The following MAD1L1 variants were observed in gnomAD, a reference collection of about 807,000 sequenced individuals.
MAD1L1 encodes mitotic spindle assembly checkpoint protein MAD1.
Under a neutral mutation model 96.9 loss-of-function variants are expected in MAD1L1, and 95 were observed. The observed-to-expected ratio is 0.98, with a 90% CI of 0.83 to 1.16. The LOEUF is 1.16. MAD1L1 is among the 50% of genes most tolerant of loss of function. MAD1L1 has a pLI of 0.00. For missense variants in MAD1L1, 1,007 were observed against 954.4 expected, an observed-to-expected ratio of 1.06 and a Z score of -0.73; for synonymous variants, 473 against 396.6, an observed-to-expected ratio of 1.19 and a Z score of -2.29.
intron 3 of MAD1L1, among the ~76,000 whole-genome samples, chr7:2,225,935 A>G (rs1335215845): frequency 5.3e-5 from 8 of 152,182 alleles, no homozygotes; most frequent in Non-Finnish European, 5.9e-5. Context: ...TCTCACGTGG[A>G]GCTCAGAGAT....
In MAD1L1 at chr7:1,904,163, G is replaced by A. The variant is rs1361584997; in HGVS notation, c.1808-5773C>T. Among the ~76,000 whole-genome samples the A allele has an allele frequency of 2.7e-4, 39 of 147,036 alleles. 1 individual carries two copies. The highest frequency in any genetic ancestry group is 9.6e-4 in the African/African-American group (37 of 38,488). ...GAGGACGCAGTGGCCTATGGAAGAC[G>A]CTCTTGCAGAATTCATGATTAATGA... On this transcript the variant is annotated intron_variant, in intron 17 of 18. Transcript: ENST00000265854.
chr7:2,149,262 C>G (rs1789455144), intron 10 of MAD1L1, 24 bp from the exon 11 acceptor site: 1 of 1,585,522 alleles, frequency 6.3e-7, no homozygotes, highest in African/African-American at 1.3e-5. Flanking sequence ...AAGGCACACT[C>G]AGTTCCAGCT....
chr7:1,970,011 A>T (rs935824771), intron 15 of MAD1L1, among the ~76,000 whole-genome samples: 1 of 152,222 alleles, frequency 6.6e-6, no homozygotes, highest in Non-Finnish European at 1.5e-5. Flanking sequence ...TGAGAAAGCT[A>T]CCTAAGTGAA....
rs951200775 is a variant in MAD1L1, at chr7:2,192,807, C to T, written c.986+20405G>A. Among the ~76,000 whole-genome samples the T allele has an allele frequency of 2.0e-5, 3 of 152,208 alleles. No individual in the cohort carries two copies. In the East Asian group the frequency reaches 5.8e-4, roughly 29 times the overall value. On this transcript the variant is annotated intron_variant, in intron 10 of 18. Transcript: ENST00000265854. ...TGGTGCTGAAAAGTATATGCAAATC[C>T]ATCTGTAATTAGGTTTAAAATTCCA...
Position 2,014,531 on chromosome 7 carries a change from T to C in MAD1L1, c.1330A>G (p.Lys444Glu), listed in dbSNP as rs1253621264. ...ATCTCGGCGCTGTGGCTGTGCACCT[T>C]CTGCACCATATCCTCAGCCTCCCGC... ...RMREAEDMVQKVHSHSAEMEA... is the reference protein window; with the variant it reads ...RMREAEDMVQEVHSHSAEMEA... The change falls in exon 13 of 19, where the codon AAG becomes GAG. Residue 444 changes from lysine to glutamate, a missense_variant. Physicochemically the swap from Lys to Glu is moderately conservative, Grantham distance 56. Transcript: ENST00000265854. 2 of 1,607,808 alleles carry C rather than the reference T, an allele frequency of 1.2e-6. No homozygotes were observed. The highest frequency in any genetic ancestry group is 1.7e-6 in the Non-Finnish European group (2 of 1,179,338).
At chr7:2,098,544 C>G (rs1786617017) in intron 11 of MAD1L1, among the ~76,000 whole-genome samples, 1 of 152,212 alleles carries the variant, frequency 6.6e-6, no homozygotes, top group Non-Finnish European at 1.5e-5. Flanking sequence ...TGTATGGTCT[C>G]TTGCCTGGTT....
At chr7:1,909,455 T>C (rs1211279863) in intron 17 of MAD1L1, among the ~76,000 whole-genome samples, 1 of 152,236 alleles carries the variant, frequency 6.6e-6, no homozygotes, top group African/African-American at 2.4e-5. Flanking sequence ...TTAGCAGCCA[T>C]GGGCATGGGG....
At chr7:1,936,334 G>T (rs1054205252) in intron 17 of MAD1L1, among the ~76,000 whole-genome samples, 1 of 152,262 alleles carries the variant, frequency 6.6e-6, no homozygotes, top group African/African-American at 2.4e-5. Flanking sequence ...ACTTAAGCTG[G>T]TGAGAGATGG....
chr7:1,889,488 C>T (rs935892794), intron 18 of MAD1L1, among the ~76,000 whole-genome samples: 1 of 152,218 alleles, frequency 6.6e-6, no homozygotes, highest in Non-Finnish European at 1.5e-5. Flanking sequence ...TCCACAGCAG[C>T]CCAGCTGCAC....
chr7:1,957,529 A>G, intron 16 of MAD1L1, 100 bp downstream of exon 16: 10 of 1,168,260 alleles, frequency 8.6e-6, no homozygotes, highest in Non-Finnish European at 1.2e-5. Context: ...ACGAGCCAGA[A>G]AACGGGTGTT....
intron 18 of MAD1L1, among the ~76,000 whole-genome samples, chr7:1,852,087 C>G (rs11764124): frequency 0.17 from 26,202 of 152,228 alleles, 2,682 homozygotes; most frequent in South Asian, 0.3. Flanking sequence ...AGGGGCCCTC[C>G]TGAGGCCCGA....
chr7:2,001,993 G>T, intron 14 of MAD1L1, 72 bp downstream of exon 14: 5 of 1,516,018 alleles, frequency 3.3e-6, no homozygotes, highest in Non-Finnish European at 4.6e-6. Flanking sequence ...AAAGGCTTAT[G>T]GGGACAGGCG....
chr7:1,913,826 G>A (rs1211798431), intron 17 of MAD1L1, among the ~76,000 whole-genome samples: 1 of 152,144 alleles, frequency 6.6e-6, no homozygotes, highest in African/African-American at 2.4e-5. Context: ...GGCTGCCTCC[G>A]CCATACAGAC....
rs191643322 is a variant in MAD1L1 at position 2,021,148 on chromosome 7, G to A, written c.1219-6506C>T. On this transcript the variant is annotated intron_variant, in intron 12 of 18. Transcript: ENST00000265854. ...CCAGAAGGAGAAGGAGGCGAGGAGC[G>A]AACACAGTAAGTATCTGCCGTGATA... 4.1e-3 allele frequency among the ~76,000 whole-genome samples: 623 copies of A among 152,210 alleles called. 6 individuals are homozygous for A. Among genetic ancestry groups the A allele is most frequent in the African/African-American group, 0.014 (585 of 41,518 alleles).
At chr7:2,145,589 C>T (rs983502882) in intron 11 of MAD1L1, among the ~76,000 whole-genome samples, 2 of 152,230 alleles carry the variant, frequency 1.3e-5, no homozygotes, top group Non-Finnish European at 2.9e-5. Flanking sequence ...GCAGCTAACT[C>T]CGAGATATGG....
chr7:2,071,120 C>G (rs1785105421), intron 11 of MAD1L1, among the ~76,000 whole-genome samples: 1 of 151,098 alleles, frequency 6.6e-6, no homozygotes, highest in South Asian at 2.1e-4. Flanking sequence ...AAAGCTTCAT[C>G]CCGGGGCTGG....
At chr7:2,015,709 C>T (rs918122614) in intron 12 of MAD1L1, among the ~76,000 whole-genome samples, 8 of 152,228 alleles carry the variant, frequency 5.3e-5, no homozygotes, top group East Asian at 1.9e-4. Context: ...CCTGCCTGTC[C>T]GCCCTGCGTG....
At chr7:1,837,806 G>T (rs1177025959) in intron 18 of MAD1L1, among the ~76,000 whole-genome samples, 2 of 152,246 alleles carry the variant, frequency 1.3e-5, no homozygotes, top group Non-Finnish European at 2.9e-5. Context: ...GGCAAGGCAG[G>T]CTGCACAGGG....
chr7:2,211,047 G>A (rs1273996063), intron 10 of MAD1L1, among the ~76,000 whole-genome samples: 1 of 152,222 alleles, frequency 6.6e-6, no homozygotes, highest in Non-Finnish European at 1.5e-5. Flanking sequence ...GGCAGGGGGA[G>A]CCTTGAATCC....
Sources: allele counts gnomAD v4.1 joint callset (sites outside exome capture counted in the v4.1 genomes callset), GRCh38; gene constraint gnomAD v4.1.1; transcripts MANE v1.5; gene names NCBI Gene and HGNC (gene_info 2026-07-23, HGNC 2026-07-21).